Variants in FSTL5 observed in about 807,000 individuals in gnomAD.
The protein encoded by FSTL5 is follistatin-related protein 5.
FSTL5 carries 62 observed loss-of-function variants against 89.1 expected under a neutral mutation model. The ratio of observed to expected loss-of-function variants is 0.70; its 90% CI spans 0.57 to 0.86. FSTL5 has a LOEUF of 0.86. Ranked by LOEUF, FSTL5 falls within the 40% of genes least tolerant of loss-of-function variation. The probability of loss-of-function intolerance (pLI) is 0.00; values close to 1 mark genes in which losing one functional copy is unlikely to be tolerated. For missense variants in FSTL5, 1,057 were observed against 1,001.6 expected (o/e 1.06, Z -0.75); for synonymous variants, 383 against 346.2 (o/e 1.11, Z -1.18).
At chr4:161,855,862 T>G (rs1416701313) in intron 4 of FSTL5, among the ~76,000 whole-genome samples, 1 of 152,104 alleles carries the variant, frequency 6.6e-6, no homozygotes, top group Non-Finnish European at 1.5e-5. Flanking sequence ...TGTGTACTAT[T>G]TGGGCTGAGT....
chr4:162,051,469 T>C (rs1399747721), intron 2 of FSTL5, among the ~76,000 whole-genome samples: 5 of 151,140 alleles, frequency 3.3e-5, no homozygotes, highest in African/African-American at 1.2e-4. Flanking sequence ...CTATTTGAAA[T>C]ATAAAAAAAA....
chr4:161,844,354 C>T (rs1731302870), intron 4 of FSTL5, among the ~76,000 whole-genome samples: 1 of 152,124 alleles, frequency 6.6e-6, no homozygotes, highest in South Asian at 2.1e-4. Context: ...ATTAGTTCAA[C>T]CATTGTGGAA....
At chr4:161,930,590 G>T (rs1167723730) in intron 3 of FSTL5, among the ~76,000 whole-genome samples, 1 of 151,348 alleles carries the variant, frequency 6.6e-6, no homozygotes, top group Non-Finnish European at 1.5e-5. Flanking sequence ...GTGTCTTCAG[G>T]TTCAGAACAC....
At chr4:161,566,003 G>C (rs1167356999) in intron 8 of FSTL5, among the ~76,000 whole-genome samples, 1 of 150,106 alleles carries the variant, frequency 6.7e-6, no homozygotes, top group African/African-American at 2.4e-5. Flanking sequence ...GTTTTCCATA[G>C]AGGTTGTACT....
At chr4:161,567,506 A>G (rs10776533) in intron 8 of FSTL5, among the ~76,000 whole-genome samples, 151,524 of 152,192 alleles carry the variant, frequency 1, 75,432 homozygotes, top group Middle Eastern at 1. Context: ...CCTCATGAGC[A>G]TTTTGTAACA....
At chr4:161,466,028 T>C (rs931246052) in intron 13 of FSTL5, among the ~76,000 whole-genome samples, 4 of 152,222 alleles carry the variant, frequency 2.6e-5, no homozygotes, top group Non-Finnish European at 4.4e-5. Context: ...TTTTCAGTGT[T>C]ATATTGTCAT....
intron 3 of FSTL5, among the ~76,000 whole-genome samples, chr4:161,944,003 T>C (rs1338407911): frequency 6.6e-6 from 1 of 152,146 alleles, no homozygotes; most frequent in Non-Finnish European, 1.5e-5. Flanking sequence ...AGCATCAATT[T>C]AAGGCTCGTG....
At chr4:161,486,914 C>T (rs1388452422) in intron 12 of FSTL5, among the ~76,000 whole-genome samples, 1 of 152,146 alleles carries the variant, frequency 6.6e-6, no homozygotes, top group Non-Finnish European at 1.5e-5. Context: ...GAGCACTCTA[C>T]TTAATATTTC....
intron 15 of FSTL5, among the ~76,000 whole-genome samples, chr4:161,418,525 T>A (rs1731867222): frequency 6.6e-6 from 1 of 152,176 alleles, no homozygotes; most frequent in South Asian, 2.1e-4. Context: ...ACGACAGTGA[T>A]CACTCACTAA....
intron 10 of FSTL5, among the ~76,000 whole-genome samples, chr4:161,521,148 C>T (rs750142505): frequency 2.0e-5 from 3 of 152,182 alleles, no homozygotes; most frequent in Non-Finnish European, 4.4e-5. Flanking sequence ...AGTGTTACCA[C>T]TTACAGTATC....
At chr4:161,514,242 TACACACACACAG>T (rs1407276462) in intron 10 of FSTL5, among the ~76,000 whole-genome samples, 1 of 148,868 alleles carries the variant, frequency 6.7e-6, no homozygotes, top group Non-Finnish European at 1.5e-5. Context: ...CACACACACA[TACACACACACAG>T]ACACAGACAC....
chr4:161,406,056 A>C (rs760757105), intron 15 of FSTL5, among the ~76,000 whole-genome samples: 3 of 152,210 alleles, frequency 2.0e-5, no homozygotes, highest in Non-Finnish European at 4.4e-5. Flanking sequence ...TGAAGTAAAA[A>C]GACACTAGAT....
At chr4:162,151,086 A>C (rs770818198) in intron 1 of FSTL5, among the ~76,000 whole-genome samples, 9 of 152,166 alleles carry the variant, frequency 5.9e-5, no homozygotes, top group Non-Finnish European at 1.0e-4. Context: ...ATGTTAAATC[A>C]TTAGAAATCC....
chr4:161,571,609 T>G (rs1183851858), intron 8 of FSTL5, among the ~76,000 whole-genome samples: 1 of 152,082 alleles, frequency 6.6e-6, no homozygotes, highest in Admixed American at 6.5e-5. Flanking sequence ...ATTGAGAACC[T>G]TTATAAATAG....
intron 8 of FSTL5, among the ~76,000 whole-genome samples, chr4:161,552,167 CTG>C (rs1449082980): frequency 6.6e-6 from 1 of 151,840 alleles, no homozygotes. Context: ...AGTAAAAACA[CTG>C]TTTAAAATAT....
intron 1 of FSTL5, among the ~76,000 whole-genome samples, chr4:162,127,058 G>A (rs947190626): frequency 3.3e-5 from 5 of 152,042 alleles, no homozygotes; most frequent in Admixed American, 6.6e-5. Flanking sequence ...CCATTGACCA[G>A]CCTTTTACCC....
At chr4:162,097,435 T>C (rs1287119172) in intron 2 of FSTL5, among the ~76,000 whole-genome samples, 1 of 151,872 alleles carries the variant, frequency 6.6e-6, no homozygotes, top group Non-Finnish European at 1.5e-5. Context: ...AATTATTTTA[T>C]TATTAAATGT....
At chr4:161,517,805 T>C (rs1419846441) in intron 10 of FSTL5, among the ~76,000 whole-genome samples, 1 of 152,168 alleles carries the variant, frequency 6.6e-6, no homozygotes, top group African/African-American at 2.4e-5. Flanking sequence ...TTTGATAAAA[T>C]GAACTTATAT....
At chr4:161,515,088 GTTA>G (rs1164493703) in intron 10 of FSTL5, among the ~76,000 whole-genome samples, 3 of 151,970 alleles carry the variant, frequency 2.0e-5, no homozygotes, top group Admixed American at 6.6e-5. Flanking sequence ...TATATATATT[GTTA>G]TTATCTGTTT....
Sources: gnomAD v4.1 joint callset for allele counts (sites outside exome capture counted in the v4.1 genomes callset) on GRCh38, gnomAD v4.1.1 for gene constraint, MANE v1.5 for transcripts, NCBI Gene and HGNC (gene_info 2026-07-23, HGNC 2026-07-21) for gene names.